Variants in XRRA1 observed in about 807,000 individuals in gnomAD.
XRRA1 encodes the protein X-ray radiation resistance associated 1.
A neutral mutation model predicts 80.2 loss-of-function variants in XRRA1; 69 were observed. The ratio of observed to expected loss-of-function variants is 0.86; its 90% CI spans 0.71 to 1.05. The LOEUF (loss-of-function observed/expected upper bound fraction) is 1.05. Among genes scored for constraint, XRRA1 ranks in the 50% least tolerant of loss-of-function variants. The pLI is 0.00. For missense variants in XRRA1, 967 were observed against 976.4 expected (o/e 0.99, Z 0.13); for synonymous variants, 348 against 389.9 (o/e 0.89, Z 1.27).
At chr11:74,912,579 C>T (rs1257667202) in intron 8 of XRRA1, among the ~76,000 whole-genome samples, 1 of 152,146 alleles carries the variant, frequency 6.6e-6, no homozygotes, top group African/African-American at 2.4e-5. Flanking sequence ...ATAGTATGGA[C>T]GTTGCAGAGA....
chr11:74,909,530 T>C (rs2055388382), intron 8 of XRRA1, among the ~76,000 whole-genome samples: 1 of 152,196 alleles, frequency 6.6e-6, no homozygotes, highest in African/African-American at 2.4e-5. Flanking sequence ...CTTTTTAAAG[T>C]TCTACCCTAA....
intron 1 of XRRA1, among the ~76,000 whole-genome samples, chr11:74,946,020 T>C (rs2140101873): frequency 1.3e-5 from 2 of 152,216 alleles, no homozygotes; most frequent in Middle Eastern, 6.8e-3. Context: ...TGGAGTGCAG[T>C]GGCATGATCT....
At chr11:74,945,206 C>T (rs1042944628) in intron 1 of XRRA1, 121 bp from the exon 2 acceptor site, 3 of 152,256 alleles carry the variant, frequency 2.0e-5, no homozygotes, top group Non-Finnish European at 2.9e-5. Flanking sequence ...AGTCCTTGCC[C>T]GTAGGACTAA....
At chr11:74,850,464 G>T (rs1160371738) in intron 14 of XRRA1, among the ~76,000 whole-genome samples, 4 of 152,224 alleles carry the variant, frequency 2.6e-5, no homozygotes, top group Non-Finnish European at 5.9e-5. Context: ...TGCAGAGGGG[G>T]TGGCAAGGAA....
chr11:74,919,881 A>C lies in XRRA1; in HGVS notation c.656+1333T>G, dbSNP rs978897325. 7.5e-6 allele frequency: 3 copies of C among 399,720 alleles called. No homozygotes were observed. In the Admixed American group the frequency reaches 9.6e-5, roughly 13 times the overall value. The allele number at this position is 399,720 out of a possible 1,614,324, so 24.8% of individuals were successfully genotyped here. On this transcript the variant is annotated intron_variant, in intron 8 of 18. Coordinates refer to ENST00000684022, the MANE Select transcript of XRRA1 (RefSeq NM_001378157.1). Reference sequence around the variant, plus strand: ...GAGAATATAATGAGGATGAAGATTCACCAAATAAGCTCTGTACTTCGGTTA... The same window carrying C: ...GAGAATATAATGAGGATGAAGATTCCCCAAATAAGCTCTGTACTTCGGTTA...
intron 10 of XRRA1, among the ~76,000 whole-genome samples, chr11:74,903,734 T>G (rs1406775375): frequency 6.6e-6 from 1 of 151,890 alleles, no homozygotes. Flanking sequence ...AATAACTAGA[T>G]GGACATATGG....
In XRRA1 at chr11:74,906,234, CT is replaced by C; in HGVS notation, c.1003+4del. 6.2e-7 allele frequency: 1 copy of C among 1,612,190 alleles called. No homozygotes were observed. Among genetic ancestry groups the C allele is most frequent in the Non-Finnish European group, 8.5e-7 (1 of 1,178,708 alleles). ...AGAATTTCTGGGACAAGGGGTGTCA[CT>C]CACCTGTCCGGTCAACATCCTTTTT... On this transcript the variant is annotated splice_donor_region_variant and intron_variant, in intron 10 of 18. Coordinates refer to ENST00000684022, the MANE Select transcript of XRRA1 (RefSeq NM_001378157.1).
chr11:74,935,953 T>A lies in XRRA1; in HGVS notation c.279+931A>T, dbSNP rs377273143. 1.4e-4 allele frequency among the ~76,000 whole-genome samples: 22 copies of A among 152,272 alleles called. No individual in the cohort carries two copies. In the East Asian group the frequency reaches 3.7e-3, roughly 25 times the overall value. On this transcript the variant is annotated intron_variant, in intron 4 of 18. Transcript: ENST00000684022. ...GTATAATTATTTCAGTCCTCCTCATTCCCAATGAGAAGTGGACCTAATAAT... is the reference window on the plus strand; with the variant it reads ...GTATAATTATTTCAGTCCTCCTCATACCCAATGAGAAGTGGACCTAATAAT...
At position 74,843,311 on chromosome 11, in the gene XRRA1, C is replaced by A. The variant is rs779397174; in HGVS notation, c.2292G>T (p.Pro764=). The A allele has an allele frequency of 5.6e-6, 9 of 1,603,966 alleles. No individual in the cohort carries two copies. In the Admixed American group the frequency reaches 1.5e-4, roughly 27 times the overall value. The change falls in exon 19 of 19, where the codon CCG becomes CCT. Residue 764 remains proline (P), a synonymous_variant. Coordinates refer to ENST00000684022, the MANE Select transcript of XRRA1 (RefSeq NM_001378157.1). ...TCAGCGCTGGGCAGGCCATGGGGAG[C>A]GGGGTAGTCCCGAACACTGTGCGCA... ...GSLRTVFGTT[P]LPMACPALSE... is the part of the protein sequence containing the mutation.
chr11:74,843,024 G>T lies in XRRA1; in HGVS notation c.*176C>A. The stretch of plus-strand genomic sequence containing the variant: ...GGGCCAGGCACCAGGTCATGCCTGG[G>T]CCAAGGAGGGGAGATCCTGACAAGG... On this transcript the variant is annotated 3_prime_UTR_variant, in exon 19 of 19. Coordinates refer to ENST00000684022, the MANE Select transcript of XRRA1 (RefSeq NM_001378157.1). The T allele has an allele frequency of 2.3e-6, 2 of 851,210 alleles. No individual in the cohort carries two copies. The highest frequency in any genetic ancestry group is 3.5e-6 in the Non-Finnish European group (2 of 568,438). 52.7% of individuals were successfully genotyped at this position (851,210 alleles called of 1,614,324 possible). A position where few individuals can be genotyped will look rare whatever the true frequency, so the allele number is the denominator to read the frequency against.
At chr11:74,896,512 A>G (rs2052356519) in intron 10 of XRRA1, among the ~76,000 whole-genome samples, 1 of 151,984 alleles carries the variant, frequency 6.6e-6, no homozygotes, top group African/African-American at 2.4e-5. Flanking sequence ...GTAGAATAGA[A>G]TATCGTGTAA....
chr11:74,927,366 CA>C, intron 7 of XRRA1, 24 bp downstream of exon 7: 2 of 1,488,284 alleles, frequency 1.3e-6, no homozygotes, highest in South Asian at 1.1e-5. Context: ...TGGTGGGCAC[CA>C]AAAACTCCCT....
intron 12 of XRRA1, among the ~76,000 whole-genome samples, chr11:74,853,767 A>C (rs903856052): frequency 6.6e-6 from 1 of 152,226 alleles, no homozygotes; most frequent in Non-Finnish European, 1.5e-5. Context: ...ACAAAGAGAA[A>C]AATGTGTGAA....
chr11:74,947,602 T>C (rs1195822240), intron 1 of XRRA1, among the ~76,000 whole-genome samples: 1 of 152,062 alleles, frequency 6.6e-6, no homozygotes, highest in Non-Finnish European at 1.5e-5. Flanking sequence ...TTATTTTAAA[T>C]AAAAGAAAAA....
chr11:74,888,669 A>G (rs544746062), intron 10 of XRRA1, among the ~76,000 whole-genome samples: 40 of 152,230 alleles, frequency 2.6e-4, no homozygotes, highest in Admixed American at 5.9e-4. Context: ...AAAAACCTTG[A>G]AAAAGAATTA....
At chr11:74,868,666 GAAAAGAGA>G (rs2044040409) in intron 10 of XRRA1, among the ~76,000 whole-genome samples, 1 of 150,560 alleles carries the variant, frequency 6.6e-6, no homozygotes, top group Non-Finnish European at 1.5e-5. Context: ...CAAGCAAATG[GAAAAGAGA>G]AAAAAAGCAG....
intron 6 of XRRA1, among the ~76,000 whole-genome samples, chr11:74,928,052 C>A (rs1234679690): frequency 2.6e-5 from 4 of 152,178 alleles, no homozygotes; most frequent in Non-Finnish European, 5.9e-5. Context: ...TATAGATATG[C>A]CTAATGTCTT....
At chr11:74,881,956 C>A (rs1383050719) in intron 10 of XRRA1, among the ~76,000 whole-genome samples, 12 of 148,668 alleles carry the variant, frequency 8.1e-5, no homozygotes, top group Admixed American at 2.0e-4. Flanking sequence ...TCCTTCATTT[C>A]AACTTTGGTG....
At chr11:74,943,304 C>T (rs1375117300) in intron 2 of XRRA1, among the ~76,000 whole-genome samples, 1 of 152,130 alleles carries the variant, frequency 6.6e-6, no homozygotes. Context: ...TTATTCTCTT[C>T]AGAGAGACAG....
Sources: allele counts gnomAD v4.1 joint callset (sites outside exome capture counted in the v4.1 genomes callset), GRCh38; gene constraint gnomAD v4.1.1; transcripts MANE v1.5; gene names NCBI Gene and HGNC (gene_info 2026-07-23, HGNC 2026-07-21).